Variants in HS6ST3 observed in about 807,000 individuals in gnomAD.
The protein encoded by HS6ST3 is heparan-sulfate 6-O-sulfotransferase 3.
Under a neutral mutation model 36.7 loss-of-function variants are expected in HS6ST3, and 12 were observed. That is an observed-to-expected ratio of 0.33 (90% CI 0.21 to 0.53). The LOEUF (loss-of-function observed/expected upper bound fraction) is 0.53, where lower values mean the gene tolerates loss of function less well. Among genes scored for constraint, HS6ST3 ranks in the 20% least tolerant of loss-of-function variants. HS6ST3 has a pLI of 0.95. For synonymous variants in HS6ST3, 240 were observed against 257.5 expected, an observed-to-expected ratio of 0.93 and a Z score of 0.65; for missense variants, 584 against 640.9, an observed-to-expected ratio of 0.91 and a Z score of 0.96.
At chr13:96,659,173 C>G (rs1307122591) in intron 1 of HS6ST3, among the ~76,000 whole-genome samples, 1 of 152,180 alleles carries the variant, frequency 6.6e-6, no homozygotes, top group African/African-American at 2.4e-5. Flanking sequence ...TGCATTATTG[C>G]CAACAAGTGG....
intron 1 of HS6ST3, among the ~76,000 whole-genome samples, chr13:96,269,740 A>G (rs2054710486): frequency 1.3e-5 from 2 of 152,084 alleles, no homozygotes; most frequent in Non-Finnish European, 2.9e-5. Context: ...ACCTCCACCC[A>G]GAATCACTAA....
intron 1 of HS6ST3, among the ~76,000 whole-genome samples, chr13:96,310,778 A>AT (rs541143593): frequency 1.3e-5 from 2 of 151,818 alleles, no homozygotes; most frequent in Admixed American, 1.3e-4. Context: ...TGTATGTGGC[A>AT]TTTTTTTGGG....
chr13:96,705,075 T>C (rs1875384265), intron 1 of HS6ST3, among the ~76,000 whole-genome samples: 1 of 152,140 alleles, frequency 6.6e-6, no homozygotes, highest in Non-Finnish European at 1.5e-5. Context: ...TATTGACATC[T>C]CCCATCACAG....
chr13:96,162,989 C>G (rs1364304559), intron 1 of HS6ST3, among the ~76,000 whole-genome samples: 1 of 151,900 alleles, frequency 6.6e-6, no homozygotes, highest in Non-Finnish European at 1.5e-5. Flanking sequence ...AGAGGTTCCC[C>G]CAAATAATCT....
intron 1 of HS6ST3, among the ~76,000 whole-genome samples, chr13:96,176,823 T>C (rs117132643): frequency 0.026 from 3,907 of 152,194 alleles, 63 homozygotes; most frequent in East Asian, 0.055. Context: ...CTGTCAACAG[T>C]GTAAACAGAC....
chr13:96,797,899 C>T lies in HS6ST3; in HGVS notation c.708-34591C>T, dbSNP rs558866406. On this transcript the variant is annotated intron_variant, in intron 1 of 1. Coordinates refer to ENST00000376705, the MANE Select transcript of HS6ST3 (RefSeq NM_153456.4). ...TACCTGAAGATAGCATCAGATCCCACGGGTTGAGGGCTCAGTCCCCAAGAC... is the reference window on the plus strand; with the variant it reads ...TACCTGAAGATAGCATCAGATCCCATGGGTTGAGGGCTCAGTCCCCAAGAC... Among the ~76,000 whole-genome samples, 119 of 152,110 alleles carry T rather than the reference C, an allele frequency of 7.8e-4. 1 individual carries two copies. The highest frequency in any genetic ancestry group is 1.4e-3 in the Non-Finnish European group (94 of 67,966).
At chr13:96,285,489 C>G (rs765927919) in intron 1 of HS6ST3, among the ~76,000 whole-genome samples, 13 of 152,084 alleles carry the variant, frequency 8.5e-5, no homozygotes, top group Non-Finnish European at 1.5e-4. Flanking sequence ...TAAAGCTGTA[C>G]AGAATAGGGA....
At chr13:96,792,536 TCAGGCA>T (rs1877816417) in intron 1 of HS6ST3, among the ~76,000 whole-genome samples, 5 of 151,952 alleles carry the variant, frequency 3.3e-5, no homozygotes, top group Non-Finnish European at 7.4e-5. Context: ...TTACTTGGCT[TCAGGCA>T]TTAACCTAAA....
intron 1 of HS6ST3, among the ~76,000 whole-genome samples, chr13:96,366,957 T>G (rs2055266204): frequency 6.6e-6 from 1 of 152,222 alleles, no homozygotes; most frequent in African/African-American, 2.4e-5. Flanking sequence ...GATGTGCCTT[T>G]GTCCCTCCTT....
At chr13:96,115,378 A>G (rs564432001) in intron 1 of HS6ST3, among the ~76,000 whole-genome samples, 3 of 152,134 alleles carry the variant, frequency 2.0e-5, no homozygotes, top group South Asian at 2.1e-4. Flanking sequence ...CTATTGACCC[A>G]TTCTCTAAGT....
chr13:96,091,149 G>A lies in HS6ST3; in HGVS notation c.287G>A (p.Gly96Glu), dbSNP rs952537245. 18 of 1,523,030 alleles carry A rather than the reference G, an allele frequency of 1.2e-5. No individual in the cohort carries two copies. Among genetic ancestry groups the A allele is most frequent in the Non-Finnish European group, 1.5e-5 (17 of 1,133,994 alleles). The allele number at this position is 1,523,030 out of a possible 1,614,324, so 94.3% of individuals were successfully genotyped here. ...AAPEEEDEEP[G>E]DPREGEEEEE... Reference sequence around the variant, plus strand: ...CCGGAGGAGGAGGACGAGGAGCCCGGAGACCCCCGGGAGGGGGAGGAAGAG... The same window carrying A: ...CCGGAGGAGGAGGACGAGGAGCCCGAAGACCCCCGGGAGGGGGAGGAAGAG... Residue 96 changes from glycine to glutamate, a missense_variant, in exon 1 of 2, where the codon GGA (glycine) becomes GAA (glutamate). Transcript: ENST00000376705.
At position 96,112,578 on chromosome 13, in the gene HS6ST3, A is replaced by AATATACATACATAT. The variant is rs397773858; in HGVS notation, c.707+21014_707+21015insCATACATATATATA. Among the ~76,000 whole-genome samples the AATATACATACATAT allele has an allele frequency of 6.2e-5, 5 of 81,246 alleles. 1 individual carries two copies. The highest frequency in any genetic ancestry group is 8.9e-4 in the South Asian group (2 of 2,246). The allele number at this position is 81,246 out of a possible 152,430, so 53.3% of individuals were successfully genotyped here. On this transcript the variant is annotated intron_variant, in intron 1 of 1. Transcript: ENST00000376705. ...TAAAACCCCATCTCTAAAATAAATA[A>AATATACATACATAT]ATATATATATATATATATATATATA...
chr13:96,225,346 T>C (rs1005617410), intron 1 of HS6ST3, among the ~76,000 whole-genome samples: 1 of 152,252 alleles, frequency 6.6e-6, no homozygotes, highest in East Asian at 1.9e-4. Context: ...TGGAAGTCTT[T>C]TAATGAACTA....
intron 1 of HS6ST3, among the ~76,000 whole-genome samples, chr13:96,476,727 A>G (rs1415757119): frequency 2.0e-5 from 3 of 152,100 alleles, no homozygotes; most frequent in Non-Finnish European, 4.4e-5. Flanking sequence ...TACTTGGATG[A>G]GATCTATTTG....
chr13:96,536,683 T>C (rs1470593320), intron 1 of HS6ST3, among the ~76,000 whole-genome samples: 1 of 152,194 alleles, frequency 6.6e-6, no homozygotes, highest in African/African-American at 2.4e-5. Flanking sequence ...AAGGGACAGA[T>C]TGGTGCTTGC....
At chr13:96,495,865 C>T (rs533710216) in intron 1 of HS6ST3, among the ~76,000 whole-genome samples, 3 of 152,282 alleles carry the variant, frequency 2.0e-5, no homozygotes, top group Non-Finnish European at 2.9e-5. Context: ...ATGTATTCTC[C>T]CATATATTGC....
chr13:96,279,014 T>C (rs1449607671), intron 1 of HS6ST3, among the ~76,000 whole-genome samples: 1 of 152,112 alleles, frequency 6.6e-6, no homozygotes, highest in East Asian at 1.9e-4. Flanking sequence ...GAACAATGAG[T>C]GAACAATGAG....
At chr13:96,291,653 T>C (rs1265706971) in intron 1 of HS6ST3, among the ~76,000 whole-genome samples, 2 of 152,214 alleles carry the variant, frequency 1.3e-5, no homozygotes, top group East Asian at 3.8e-4. Flanking sequence ...AAAACTCTTT[T>C]CGTTTAATAA....
chr13:96,782,156 A>G (rs1304218837), intron 1 of HS6ST3, among the ~76,000 whole-genome samples: 1 of 152,198 alleles, frequency 6.6e-6, no homozygotes, highest in Non-Finnish European at 1.5e-5. Context: ...TCTTCAGAGA[A>G]CACAATCAAT....
Sources: gnomAD v4.1 joint callset for allele counts (sites outside exome capture counted in the v4.1 genomes callset) on GRCh38, gnomAD v4.1.1 for gene constraint, MANE v1.5 for transcripts, NCBI Gene and HGNC (gene_info 2026-07-23, HGNC 2026-07-21) for gene names.